The following KIAA0586 variants were observed in gnomAD, a reference collection of about 807,000 sequenced individuals.
The protein encoded by KIAA0586 is protein TALPID3.
KIAA0586 carries 144 observed loss-of-function variants against 169.8 expected under a neutral mutation model. The observed-to-expected ratio is 0.85, with a 90% CI of 0.74 to 0.97. KIAA0586 has a LOEUF of 0.97. Among genes scored for constraint, KIAA0586 ranks in the 50% least tolerant of loss-of-function variants. The probability of loss-of-function intolerance (pLI) is 0.00; values close to 1 mark genes in which losing one functional copy is unlikely to be tolerated. For missense variants in KIAA0586, 1,854 were observed against 1,823.0 expected (o/e 1.02, Z -0.31); for synonymous variants, 625 against 612.4 (o/e 1.02, Z -0.30).
At chr14:58,442,916 G>T in intron 5 of KIAA0586, 36 bp downstream of exon 5, 3 of 1,480,110 alleles carry the variant, frequency 2.0e-6, no homozygotes, top group South Asian at 1.2e-5. Flanking sequence ...TAACTACTTT[G>T]TGAAATATAG....
At position 58,467,763 on chromosome 14, in the gene KIAA0586, G is replaced by A; in HGVS notation, c.2283G>A (p.Met761Ile). Residue 761 changes from methionine (M) to isoleucine (I), a missense_variant, in exon 16 of 31, where the codon ATG becomes ATA. By Grantham distance (10) the Met-to-Ile change is conservative. Coordinates refer to ENST00000652326, the MANE Select transcript of KIAA0586 (RefSeq NM_001329943.3). ...LGQTQSNSDT[M>I]PPAGVIVSKP... ...AAACCCAAAGTAATAGTGATACCAT[G>A]CCACCTGCTGGAGTGATTGTCAGCA... 6.2e-7 allele frequency: 1 copy of A among 1,612,170 alleles called. No individual in the cohort carries two copies. Among genetic ancestry groups the A allele is most frequent in the Non-Finnish European group, 8.5e-7 (1 of 1,179,094 alleles).
At chr14:58,557,687 A>G in the KIAA0586 span, among the ~76,000 whole-genome samples, 2 of 152,110 alleles carry the variant, frequency 1.3e-5, no homozygotes, top group African/African-American at 4.8e-5. Context: ...TCAGAGAGCC[A>G]ATACACTACT....
rs1480916751 is a variant in KIAA0586 at position 58,519,470 on chromosome 14, A to G, written c.4429+6843A>G. On this transcript the variant is annotated intron_variant, in intron 29 of 30. Coordinates refer to ENST00000652326, the MANE Select transcript of KIAA0586 (RefSeq NM_001329943.3). The stretch of plus-strand genomic sequence containing the variant: ...TTCTTGAAGGTTAACTAATTTTCCC[A>G]AAGCACATAATTTAGAAAATGAAGA... Among the ~76,000 whole-genome samples, 9 of 152,308 alleles carry G rather than the reference A, an allele frequency of 5.9e-5. No individual in the cohort carries two copies. In the East Asian group the frequency reaches 1.4e-3, roughly 23 times the overall value.
chr14:58,559,909 T>C, the KIAA0586 span, among the ~76,000 whole-genome samples: 1 of 152,000 alleles, frequency 6.6e-6, no homozygotes, highest in Non-Finnish European at 1.5e-5. Context: ...TTCCAGCACT[T>C]TGGGAGGCTG....
intron 29 of KIAA0586, among the ~76,000 whole-genome samples, chr14:58,520,179 C>T (rs2045095264): frequency 6.6e-6 from 1 of 152,160 alleles, no homozygotes; most frequent in Admixed American, 6.5e-5. Context: ...CATTCATTCA[C>T]TCTTTCTTTT....
At position 58,508,544 on chromosome 14, in the gene KIAA0586, T is replaced by A. The variant is rs1323386887; in HGVS notation, c.4169-11T>A. On this transcript the variant is annotated splice_polypyrimidine_tract_variant and intron_variant, in intron 27 of 30. Transcript: ENST00000652326. ...TTTATTTTAACTTTTTATTTACATT[T>A]TTGATAACAGGTAGTATTTATGAAG... 2 of 1,542,948 alleles carry A rather than the reference T, an allele frequency of 1.3e-6. No individual in the cohort carries two copies. The highest frequency in any genetic ancestry group is 1.2e-5 in the South Asian group (1 of 80,802).
At chr14:58,500,202 C>T (rs903777716) in intron 27 of KIAA0586, among the ~76,000 whole-genome samples, 1 of 152,274 alleles carries the variant, frequency 6.6e-6, no homozygotes, top group Admixed American at 6.5e-5. Context: ...CTGTGAGCCT[C>T]TGGTCATAAC....
the KIAA0586 span, among the ~76,000 whole-genome samples, chr14:58,559,178 A>C: frequency 2.0e-5 from 3 of 152,132 alleles, no homozygotes; most frequent in Admixed American, 2.0e-4. Flanking sequence ...TTGGATTTTC[A>C]CCCAGCACAT....
intron 26 of KIAA0586, among the ~76,000 whole-genome samples, chr14:58,495,072 C>T (rs1247632348): frequency 6.6e-6 from 1 of 152,044 alleles, no homozygotes; most frequent in Non-Finnish European, 1.5e-5. Context: ...ACAACTTTTA[C>T]TTTAGTTCTC....
At chr14:58,451,718 C>G (rs35302222) in intron 8 of KIAA0586, among the ~76,000 whole-genome samples, 18,657 of 152,128 alleles carry the variant, frequency 0.12, 1,498 homozygotes, top group Middle Eastern at 0.21. Flanking sequence ...AAGTCTCGCT[C>G]TGTCACCCGG....
chr14:58,471,207 A>G (rs937266843), intron 17 of KIAA0586, among the ~76,000 whole-genome samples: 1 of 152,208 alleles, frequency 6.6e-6, no homozygotes, highest in Non-Finnish European at 1.5e-5. Context: ...CCTTACATTT[A>G]TAACTATTTG....
At chr14:58,467,383 A>G (rs1010574588) in intron 15 of KIAA0586, among the ~76,000 whole-genome samples, 1 of 152,250 alleles carries the variant, frequency 6.6e-6, no homozygotes, top group Non-Finnish European at 1.5e-5. Flanking sequence ...CTGTGTTTTC[A>G]ACAAGTACAC....
intron 23 of KIAA0586, among the ~76,000 whole-genome samples, chr14:58,488,361 T>C (rs2042614977): frequency 6.6e-6 from 1 of 152,162 alleles, no homozygotes; most frequent in South Asian, 2.1e-4. Context: ...AGAAAACAAT[T>C]TCTCCCTATT....
chr14:58,467,401 C>G (rs371136865), intron 15 of KIAA0586, among the ~76,000 whole-genome samples: 1 of 152,192 alleles, frequency 6.6e-6, no homozygotes, highest in Admixed American at 6.5e-5. Flanking sequence ...CACTGTACTA[C>G]CCCTCTTTAC....
In KIAA0586 at chr14:58,551,078, A is replaced by G. The variant is rs1161507700; in HGVS notation, c.*3146A>G. On this transcript the variant is annotated 3_prime_UTR_variant, in exon 31 of 31. Transcript: ENST00000652326. Reference sequence around the variant, plus strand: ...GTGGCGTGTGCCTGTAATCCCAGCTACTTGGGAGGCTGAGGCAGGAGAATT... The same window carrying G: ...GTGGCGTGTGCCTGTAATCCCAGCTGCTTGGGAGGCTGAGGCAGGAGAATT... 1.3e-5 allele frequency: 2 copies of G among 151,992 alleles called. No individual in the cohort carries two copies. Among genetic ancestry groups the G allele is most frequent in the African/African-American group, 4.8e-5 (2 of 41,322 alleles). The allele number at this position is 151,992 out of a possible 1,614,324, so 9.4% of individuals were successfully genotyped here.
Position 58,488,894 on chromosome 14 carries a change from T to G in KIAA0586, c.3781+20T>G, listed in dbSNP as rs770866188. On this transcript the variant is annotated intron_variant, in intron 24 of 30. Transcript: ENST00000652326. The stretch of plus-strand genomic sequence containing the variant: ...CCAAGAGTAAGTTAATTTGTATTAG[T>G]TGATTTTACTTGTTAGATTATGCTA... 4.1e-5 allele frequency: 66 copies of G among 1,606,876 alleles called. 1 individual carries two copies. The Admixed American group carries it at 7.9e-4, about 19-fold the overall frequency.
Position 58,548,958 on chromosome 14 carries a change from G to A in KIAA0586, c.*1026G>A, listed in dbSNP as rs1201602009. 6.6e-6 allele frequency: 1 copy of A among 152,142 alleles called. No individual in the cohort carries two copies. Among genetic ancestry groups the A allele is most frequent in the East Asian group, 1.9e-4 (1 of 5,192 alleles). 9.4% of individuals were successfully genotyped at this position (152,142 alleles called of 1,614,324 possible). ...TTTTTGCAGAATAATGGACATCAGTGATTGTGTGTGGAGATGGGGGTGGGT... is the reference window on the plus strand; with the variant it reads ...TTTTTGCAGAATAATGGACATCAGTAATTGTGTGTGGAGATGGGGGTGGGT... On this transcript the variant is annotated 3_prime_UTR_variant, in exon 31 of 31. Transcript: ENST00000652326.
intron 16 of KIAA0586, among the ~76,000 whole-genome samples, chr14:58,469,734 G>GTGT (rs1566846914): frequency 6.6e-6 from 1 of 152,170 alleles, no homozygotes; most frequent in Non-Finnish European, 1.5e-5. Flanking sequence ...GTCTAGAAAT[G>GTGT]TTCAAAGGAC....
intron 30 of KIAA0586, 68 bp downstream of exon 30, chr14:58,540,204 T>C: frequency 1.2e-6 from 1 of 850,754 alleles, no homozygotes; most frequent in Non-Finnish European, 1.9e-6. Context: ...CTGATGATTC[T>C]TTCTCTCATA....
Sources: gnomAD v4.1 joint callset for allele counts (sites outside exome capture counted in the v4.1 genomes callset) on GRCh38, gnomAD v4.1.1 for gene constraint, MANE v1.5 for transcripts, NCBI Gene and HGNC (gene_info 2026-07-23, HGNC 2026-07-21) for gene names.